LRRC7: variants seen among roughly 807,000 people sequenced by gnomAD.
The protein encoded by LRRC7 is leucine rich repeat containing 7.
Under a neutral mutation model 175.7 loss-of-function variants are expected in LRRC7, and 23 were observed. The observed-to-expected ratio is 0.13, with a 90% CI of 0.09 to 0.19. The LOEUF is 0.19. Ranked by LOEUF, LRRC7 falls within the 10% of genes least tolerant of loss-of-function variation. LRRC7 has a pLI of 1.00. For missense variants in LRRC7, 1,354 were observed against 1,904.7 expected (o/e 0.71, Z 5.38); for synonymous variants, 685 against 680.9 (o/e 1.01, Z -0.09).
At chr1:70,114,524 G>GA (rs1382390218) in intron 26 of LRRC7, among the ~76,000 whole-genome samples, 3 of 151,878 alleles carry the variant, frequency 2.0e-5, no homozygotes, top group Non-Finnish European at 4.4e-5. Flanking sequence ...CCGTCTCTAC[G>GA]AAAAAAATTA....
rs188073124 is a variant in LRRC7 at position 69,577,341 on chromosome 1, C to A, written c.2+8700C>A. Among the ~76,000 whole-genome samples, 240 of 152,244 alleles carry A rather than the reference C, an allele frequency of 1.6e-3. 1 individual carries two copies. Among genetic ancestry groups the A allele is most frequent in the African/African-American group, 5.5e-3 (228 of 41,560 alleles). On this transcript the variant is annotated intron_variant, in intron 1 of 26. Coordinates refer to ENST00000651989, the MANE Select transcript of LRRC7 (RefSeq NM_001370785.2). ...AAAATAGATAGAAATGCATGAAAAT[C>A]TGATGGTAGTTTCTTTTGCTGTGCA...
At chr1:69,807,401 T>G (rs1476566896) in intron 4 of LRRC7, among the ~76,000 whole-genome samples, 1 of 152,084 alleles carries the variant, frequency 6.6e-6, no homozygotes. Context: ...TTGATGGTCT[T>G]TACATTTTGG....
chr1:69,605,927 CTAATGCTATGCCAGAAAGTTAGAG>C (rs1647481671), intron 1 of LRRC7, among the ~76,000 whole-genome samples: 1 of 152,046 alleles, frequency 6.6e-6, no homozygotes, highest in Non-Finnish European at 1.5e-5. Flanking sequence ...AGGAATGATT[CTAATGCTATGCCAGAAAGTTAGAG>C]TAATATTATC....
At chr1:70,073,673 TC>T (rs201116825) in intron 23 of LRRC7, among the ~76,000 whole-genome samples, 3,847 of 152,288 alleles carry the variant, frequency 0.025, 183 homozygotes, top group African/African-American at 0.089. Context: ...GCTTTGCTTA[TC>T]TATATGATCA....
chr1:70,032,350 C>T (rs1466455433), intron 18 of LRRC7, among the ~76,000 whole-genome samples: 1 of 151,642 alleles, frequency 6.6e-6, no homozygotes, highest in Admixed American at 6.6e-5. Context: ...GTGACCTTGA[C>T]AAGTCAAGTC....
chr1:69,958,116 G>A (rs1389895043), intron 8 of LRRC7, among the ~76,000 whole-genome samples: 1 of 151,826 alleles, frequency 6.6e-6, no homozygotes, highest in Non-Finnish European at 1.5e-5. Flanking sequence ...TATTGCATTG[G>A]CAACTTCAAA....
chr1:69,745,362 G>A (rs972315000), intron 2 of LRRC7, among the ~76,000 whole-genome samples: 14 of 152,000 alleles, frequency 9.2e-5, no homozygotes, highest in African/African-American at 2.9e-4. Flanking sequence ...CAAGAAAATT[G>A]ACATTCATAT....
At chr1:69,722,772 G>T (rs1046793069) in intron 2 of LRRC7, among the ~76,000 whole-genome samples, 2 of 151,916 alleles carry the variant, frequency 1.3e-5, no homozygotes, top group Admixed American at 1.3e-4. Flanking sequence ...ATTGTATATT[G>T]ATATTCTTTG....
intron 7 of LRRC7, among the ~76,000 whole-genome samples, chr1:69,914,929 T>C (rs1340735246): frequency 6.6e-6 from 1 of 152,142 alleles, no homozygotes; most frequent in African/African-American, 2.4e-5. Context: ...GCATAGAATA[T>C]AGTGAACTGT....
intron 1 of LRRC7, among the ~76,000 whole-genome samples, chr1:69,663,062 CTA>C (rs1315184289): frequency 6.6e-6 from 1 of 152,068 alleles, no homozygotes; most frequent in African/African-American, 2.4e-5. Context: ...ACAGAGAAGA[CTA>C]TTTATTATTA....
intron 18 of LRRC7, among the ~76,000 whole-genome samples, chr1:70,028,825 A>C (rs1658400199): frequency 6.6e-6 from 1 of 152,202 alleles, no homozygotes. Flanking sequence ...ACCGATTAAC[A>C]ATAAAAAGAG....
chr1:69,880,479 C>T (rs17444982), intron 7 of LRRC7, among the ~76,000 whole-genome samples: 61,122 of 151,856 alleles, frequency 0.4, 13,290 homozygotes, highest in East Asian at 0.55. Flanking sequence ...ATAGAAAATA[C>T]CAGTAAGAAG....
At chr1:69,704,128 T>C (rs1409852781) in intron 2 of LRRC7, among the ~76,000 whole-genome samples, 2 of 151,744 alleles carry the variant, frequency 1.3e-5, no homozygotes, top group African/African-American at 4.8e-5. Context: ...ACAATAGTTA[T>C]ATAAGTTTTG....
At chr1:69,640,176 C>T (rs994220814) in intron 1 of LRRC7, among the ~76,000 whole-genome samples, 7 of 151,650 alleles carry the variant, frequency 4.6e-5, no homozygotes, top group East Asian at 1.9e-4. Context: ...TAGTTTTTAA[C>T]GGTACCAGAT....
chr1:69,825,574 G>T (rs950480804), intron 4 of LRRC7, among the ~76,000 whole-genome samples, 174 bp from the exon 5 acceptor site: 2 of 151,688 alleles, frequency 1.3e-5, no homozygotes, highest in African/African-American at 4.8e-5. Flanking sequence ...ATGTATATAT[G>T]ATTAATAATA....
chr1:70,093,073 C>T (rs1453211337), intron 25 of LRRC7, among the ~76,000 whole-genome samples: 2 of 152,072 alleles, frequency 1.3e-5, no homozygotes, highest in East Asian at 3.9e-4. Flanking sequence ...ACTGCTTTTA[C>T]ATACTTGGAA....
chr1:69,737,428 T>C (rs113199124), intron 2 of LRRC7, among the ~76,000 whole-genome samples: 3,107 of 152,250 alleles, frequency 0.02, 53 homozygotes, highest in Admixed American at 0.045. Flanking sequence ...CCTAGCCATG[T>C]AGATGTGCGA....
At chr1:69,649,654 C>T (rs77696746) in intron 1 of LRRC7, among the ~76,000 whole-genome samples, 2,244 of 152,182 alleles carry the variant, frequency 0.015, 57 homozygotes, top group African/African-American at 0.052. Flanking sequence ...CATATGGCAC[C>T]TTTGCTAATT....
intron 1 of LRRC7, among the ~76,000 whole-genome samples, chr1:69,570,407 C>G (rs75563267): frequency 0.035 from 5,353 of 152,008 alleles, 149 homozygotes; most frequent in East Asian, 0.1. Flanking sequence ...AAAGCTTCGC[C>G]TCTGCCTTTT....
Sources: gnomAD v4.1 joint callset for allele counts (sites outside exome capture counted in the v4.1 genomes callset) on GRCh38, gnomAD v4.1.1 for gene constraint, MANE v1.5 for transcripts, NCBI Gene and HGNC (gene_info 2026-07-23, HGNC 2026-07-21) for gene names.